CPVL: variants seen among roughly 807,000 people sequenced by gnomAD.
CPVL encodes probable serine carboxypeptidase CPVL.
A neutral mutation model predicts 63.7 loss-of-function variants in CPVL; 51 were observed. That is an observed-to-expected ratio of 0.80 (90% CI 0.64 to 1.01). The LOEUF (loss-of-function observed/expected upper bound fraction) is 1.01. Ranked by LOEUF, CPVL falls within the 50% of genes least tolerant of loss-of-function variation. The pLI is 0.00. For synonymous variants in CPVL, 195 were observed against 206.0 expected (o/e 0.95, Z 0.46); for missense variants, 530 against 573.1 (o/e 0.92, Z 0.77).
chr7:29,166,897 T>A (rs1329679264), intron 5 of CPVL, among the ~76,000 whole-genome samples: 1 of 152,148 alleles, frequency 6.6e-6, no homozygotes, highest in African/African-American at 2.4e-5. Context: ...TCTTTTAATG[T>A]CCTTGACTAC....
intron 5 of CPVL, among the ~76,000 whole-genome samples, chr7:29,166,794 A>G (rs548510117): frequency 6.4e-4 from 97 of 152,144 alleles, no homozygotes; most frequent in Non-Finnish European, 1.2e-3. Context: ...CACTGATCTC[A>G]AAAAACCAGT....
At chr7:29,027,123 A>G (rs533482411) in intron 12 of CPVL, among the ~76,000 whole-genome samples, 1 of 152,292 alleles carries the variant, frequency 6.6e-6, no homozygotes, top group East Asian at 1.9e-4. Context: ...ACAACACATC[A>G]AAAAGATAAT....
At chr7:29,101,416 C>T (rs1461665091) in intron 3 of CPVL, among the ~76,000 whole-genome samples, 4 of 152,040 alleles carry the variant, frequency 2.6e-5, no homozygotes, top group Non-Finnish European at 1.5e-5. Context: ...CTTGCTAACA[C>T]GGTGAAACCC....
intron 2 of CPVL, among the ~76,000 whole-genome samples, chr7:29,119,318 C>A (rs917904765): frequency 1.3e-5 from 2 of 152,116 alleles, no homozygotes; most frequent in African/African-American, 4.8e-5. Context: ...AAAATCCCAT[C>A]TCTACTAAAA....
chr7:29,128,732 TA>T (rs1266361751), intron 1 of CPVL, among the ~76,000 whole-genome samples: 56 of 121,782 alleles, frequency 4.6e-4, no homozygotes, highest in African/African-American at 1.6e-3. Flanking sequence ...AAAAAAAAAT[TA>T]AAAAAAAGAA....
intron 11 of CPVL, among the ~76,000 whole-genome samples, chr7:29,040,332 C>G (rs1360137567): frequency 6.6e-6 from 1 of 152,180 alleles, no homozygotes; most frequent in African/African-American, 2.4e-5. Context: ...TTCCCAAAAG[C>G]TCAGCTGCAG....
intron 9 of CPVL, among the ~76,000 whole-genome samples, chr7:29,071,513 C>T (rs994678008): frequency 3.9e-5 from 6 of 152,270 alleles, no homozygotes; most frequent in East Asian, 3.9e-4. Context: ...GAAATCAAAA[C>T]GGTTAATGAA....
chr7:29,112,900 G>A (rs1788397018), intron 2 of CPVL, 78 bp from the exon 3 acceptor site: 3 of 964,554 alleles, frequency 3.1e-6, no homozygotes, highest in Non-Finnish European at 5.0e-6. Context: ...ATCTCAGTCT[G>A]GATGAAATGG....
In CPVL at chr7:29,051,901, AAT is replaced by A. The variant is rs373878691; in HGVS notation, c.1137+12158_1137+12159del. ...AGAAACTGTGGTATATATAAATATA[AAT>A]ATATATATATATTCCACATATATAT... On this transcript the variant is annotated intron_variant, in intron 11 of 12. Transcript: ENST00000265394. 8.1e-5 allele frequency among the ~76,000 whole-genome samples: 12 copies of A among 147,544 alleles called. No homozygotes were observed. In the South Asian group the frequency reaches 1.1e-3, roughly 13 times the overall value.
At chr7:29,121,987 G>A (rs1789432871) in intron 1 of CPVL, among the ~76,000 whole-genome samples, 1 of 152,144 alleles carries the variant, frequency 6.6e-6, no homozygotes. Context: ...CTTCAGATCT[G>A]ATGTTTGCTT....
At chr7:28,996,013 C>T in intron 12 of CPVL, 131 bp from the exon 13 acceptor site, 1 of 544,312 alleles carries the variant, frequency 1.8e-6, no homozygotes, top group Admixed American at 4.0e-5. Flanking sequence ...CAATGCATGC[C>T]TTTGGACAAG....
intron 12 of CPVL, among the ~76,000 whole-genome samples, chr7:29,024,072 CAG>C (rs1386413149): frequency 6.6e-6 from 1 of 151,800 alleles, no homozygotes; most frequent in Non-Finnish European, 1.5e-5. Flanking sequence ...CAAGATAACA[CAG>C]ATAAATAATA....
At chr7:29,000,469 GGGCACGT>G (rs1784512661) in intron 12 of CPVL, among the ~76,000 whole-genome samples, 1 of 151,246 alleles carries the variant, frequency 6.6e-6, no homozygotes, top group East Asian at 1.9e-4. Flanking sequence ...ATGAAACTGT[GGGCACGT>G]GCAGCAGAGG....
In CPVL at chr7:29,099,030, A is replaced by T. The variant is rs1045819823; in HGVS notation, c.289-2813T>A. ...CGGTGAGCCAAGATTGCGCCATTGC[A>T]CTCCAGCCTGGGCAACAAGAGTGAA... On this transcript the variant is annotated intron_variant, in intron 3 of 12. Coordinates refer to ENST00000265394, the MANE Select transcript of CPVL (RefSeq NM_031311.5). Among the ~76,000 whole-genome samples the T allele has an allele frequency of 2.0e-5, 3 of 152,254 alleles. 1 individual carries two copies. The highest frequency in any genetic ancestry group is 3.4e-3 in the Middle Eastern group (1 of 292).
chr7:29,125,094 T>C (rs957298294), intron 1 of CPVL: 4 of 152,198 alleles, frequency 2.6e-5, no homozygotes, highest in African/African-American at 4.8e-5. Context: ...AAATGTGAGA[T>C]GCTATTATAA....
chr7:29,108,623 G>A (rs980838487), intron 3 of CPVL, among the ~76,000 whole-genome samples: 2 of 152,112 alleles, frequency 1.3e-5, no homozygotes, highest in African/African-American at 2.4e-5. Flanking sequence ...CATAATAATC[G>A]TAATCATAAT....
intron 12 of CPVL, among the ~76,000 whole-genome samples, chr7:29,013,638 C>T (rs1786084163): frequency 6.6e-6 from 1 of 152,220 alleles, no homozygotes; most frequent in South Asian, 2.1e-4. Context: ...CAACTCCCTG[C>T]CCCCAAATCC....
chr7:29,035,708 G>C (rs931028950), intron 11 of CPVL, among the ~76,000 whole-genome samples: 1 of 152,212 alleles, frequency 6.6e-6, no homozygotes, highest in African/African-American at 2.4e-5. Flanking sequence ...ACAGGGTATG[G>C]ATTCTGCTCT....
At chr7:28,998,415 C>T (rs1382786929) in intron 12 of CPVL, among the ~76,000 whole-genome samples, 1 of 152,104 alleles carries the variant, frequency 6.6e-6, no homozygotes, top group Admixed American at 6.5e-5. Context: ...GCTCAGAAGT[C>T]AGAGTGCAGG....
Sources: gnomAD v4.1 joint callset for allele counts (sites outside exome capture counted in the v4.1 genomes callset) on GRCh38, gnomAD v4.1.1 for gene constraint, MANE v1.5 for transcripts, NCBI Gene and HGNC (gene_info 2026-07-23, HGNC 2026-07-21) for gene names.